LRRTM4: variants seen among roughly 807,000 people sequenced by gnomAD.
LRRTM4 encodes the protein leucine rich repeat transmembrane neuronal 4.
A neutral mutation model predicts 47.6 loss-of-function variants in LRRTM4; 25 were observed. That is an observed-to-expected ratio of 0.53 (90% CI 0.38 to 0.73). The LOEUF is 0.73. Ranked by LOEUF, LRRTM4 falls within the 30% of genes least tolerant of loss-of-function variation. The pLI is 0.00. For synonymous variants in LRRTM4, 311 were observed against 269.5 expected, an observed-to-expected ratio of 1.15 and a Z score of -1.51; for missense variants, 638 against 713.4, an observed-to-expected ratio of 0.89 and a Z score of 1.20.
intron 3 of LRRTM4, among the ~76,000 whole-genome samples, chr2:77,181,941 G>A (rs1011875819): frequency 1.3e-5 from 2 of 152,140 alleles, no homozygotes; most frequent in Non-Finnish European, 2.9e-5. Flanking sequence ...GTGAGTCTGT[G>A]GAGAAATAGG....
chr2:77,422,731 C>T (rs556484286), intron 3 of LRRTM4, among the ~76,000 whole-genome samples: 1 of 152,084 alleles, frequency 6.6e-6, no homozygotes, highest in African/African-American at 2.4e-5. Context: ...GTTTCTAAGA[C>T]ACAGACTAAA....
intron 3 of LRRTM4, among the ~76,000 whole-genome samples, chr2:76,821,290 A>C (rs1671046811): frequency 6.6e-6 from 1 of 151,728 alleles, no homozygotes; most frequent in African/African-American, 2.4e-5. Flanking sequence ...CAACAACTTG[A>C]GAAAAAAATC....
chr2:77,305,790 C>A (rs1039328629), intron 3 of LRRTM4, among the ~76,000 whole-genome samples: 1 of 151,940 alleles, frequency 6.6e-6, no homozygotes, highest in African/African-American at 2.4e-5. Flanking sequence ...TTAAATAATA[C>A]AATCATAATT....
At position 76,786,466 on chromosome 2, in the gene LRRTM4, T is replaced by TA. The variant is rs1276632625; in HGVS notation, c.1552-37551dup. On this transcript the variant is annotated intron_variant, in intron 3 of 3. Coordinates refer to ENST00000409884, the MANE Select transcript of LRRTM4 (RefSeq NM_001134745.3). ...CAATTCTTTCATTGTCATAGAACTC[T>TA]AAAAAAACAGTAGTTATAATTGAAT... Among the ~76,000 whole-genome samples, 13 of 152,230 alleles carry TA rather than the reference T, an allele frequency of 8.5e-5. 1 individual carries two copies. The highest frequency in any genetic ancestry group is 5.8e-4 in the East Asian group (3 of 5,186).
intron 3 of LRRTM4, among the ~76,000 whole-genome samples, chr2:77,077,969 G>C (rs972942871): frequency 6.6e-6 from 1 of 152,152 alleles, no homozygotes; most frequent in Admixed American, 6.6e-5. Context: ...GAAGTAATTT[G>C]TGTTCCCTTC....
chr2:77,370,072 T>G (rs911644321), intron 3 of LRRTM4, among the ~76,000 whole-genome samples: 7 of 151,774 alleles, frequency 4.6e-5, no homozygotes, highest in Non-Finnish European at 8.8e-5. Context: ...GTGTGCATAA[T>G]GCAGGGGATT....
chr2:76,865,206 T>G (rs918192132), intron 3 of LRRTM4, among the ~76,000 whole-genome samples: 4 of 152,126 alleles, frequency 2.6e-5, no homozygotes, highest in Non-Finnish European at 5.9e-5. Flanking sequence ...CCCTGTGGGC[T>G]CCATAGGCAG....
intron 3 of LRRTM4, among the ~76,000 whole-genome samples, chr2:77,434,383 T>A (rs1047714048): frequency 2.0e-5 from 3 of 151,782 alleles, no homozygotes; most frequent in Admixed American, 1.3e-4. Context: ...TGGGCCTTGA[T>A]GTGAGTCAGA....
At chr2:77,173,776 A>G in intron 3 of LRRTM4, among the ~76,000 whole-genome samples, 1 of 151,912 alleles carries the variant, frequency 6.6e-6, no homozygotes, top group South Asian at 2.1e-4. Context: ...GCCCCCACAC[A>G]TTCCCCTGTT....
At position 77,124,093 on chromosome 2, in the gene LRRTM4, A is replaced by C. The variant is rs78502960; in HGVS notation, c.1552-375177T>G. On this transcript the variant is annotated intron_variant, in intron 3 of 3. Transcript: ENST00000409884. ...CATTTTTCTAGTCATAGCCTTGGGG[A>C]TGTCTAACTTCAAGGAAAATAAAGC... Among the ~76,000 whole-genome samples the C allele has an allele frequency of 1.9e-3, 289 of 152,190 alleles. 7 individuals are homozygous for C. The East Asian group carries it at 0.055, about 29-fold the overall frequency.
At chr2:77,018,417 A>G (rs1350897458) in intron 3 of LRRTM4, among the ~76,000 whole-genome samples, 1 of 152,084 alleles carries the variant, frequency 6.6e-6, no homozygotes, top group Non-Finnish European at 1.5e-5. Context: ...CTTTCAGGGA[A>G]GAAACCATGT....
chr2:77,239,121 G>T (rs926242094), intron 3 of LRRTM4, among the ~76,000 whole-genome samples: 10 of 151,764 alleles, frequency 6.6e-5, no homozygotes, highest in South Asian at 2.1e-4. Context: ...ATTCTTACTT[G>T]TAATCACTCT....
chr2:76,806,439 G>T (rs568268114), intron 3 of LRRTM4, among the ~76,000 whole-genome samples: 2 of 152,054 alleles, frequency 1.3e-5, no homozygotes, highest in South Asian at 4.1e-4. Context: ...AAATTAGCAG[G>T]GCGTGGTAGC....
intron 3 of LRRTM4, among the ~76,000 whole-genome samples, chr2:76,908,274 C>T (rs890149667): frequency 3.3e-5 from 5 of 151,996 alleles, no homozygotes; most frequent in Non-Finnish European, 5.9e-5. Context: ...GCAGAAAAGG[C>T]CTTTGACAAA....
chr2:77,494,004 A>C (rs1442581227), intron 3 of LRRTM4, among the ~76,000 whole-genome samples: 2 of 152,144 alleles, frequency 1.3e-5, no homozygotes, highest in African/African-American at 4.8e-5. Context: ...AAGCAAGGAT[A>C]GTTAAAATTA....
At chr2:77,074,567 A>C (rs947346032) in intron 3 of LRRTM4, among the ~76,000 whole-genome samples, 2 of 151,908 alleles carry the variant, frequency 1.3e-5, no homozygotes, top group Admixed American at 1.3e-4. Flanking sequence ...ACAACTCTGA[A>C]TTTGCCTTAC....
chr2:77,165,840 C>T (rs531781565), intron 3 of LRRTM4, among the ~76,000 whole-genome samples: 5 of 152,082 alleles, frequency 3.3e-5, no homozygotes, highest in Non-Finnish European at 5.9e-5. Flanking sequence ...TATGACAAAC[C>T]CACAGCCAAT....
chr2:77,351,614 T>TTATATA (rs71656252), intron 3 of LRRTM4, among the ~76,000 whole-genome samples: 1,766 of 135,382 alleles, frequency 0.013, 31 homozygotes, highest in African/African-American at 0.034. Flanking sequence ...CATGACAAAT[T>TTATATA]TATATATATA....
At chr2:76,908,743 A>G (rs559419516) in intron 3 of LRRTM4, among the ~76,000 whole-genome samples, 226 of 152,236 alleles carry the variant, frequency 1.5e-3, no homozygotes, top group African/African-American at 5.0e-3. Context: ...CCCATTCACA[A>G]TTGCTTCAAA....
Sources: gnomAD v4.1 joint callset for allele counts (sites outside exome capture counted in the v4.1 genomes callset) on GRCh38, gnomAD v4.1.1 for gene constraint, MANE v1.5 for transcripts, NCBI Gene and HGNC (gene_info 2026-07-23, HGNC 2026-07-21) for gene names.